The following RANBP2 variants were observed in gnomAD, a reference collection of about 807,000 sequenced individuals.
RANBP2 encodes RAN binding protein 2.
RANBP2 carries 57 observed loss-of-function variants against 303.6 expected under a neutral mutation model. The ratio of observed to expected loss-of-function variants is 0.19; its 90% CI spans 0.15 to 0.23. The LOEUF is 0.23. Ranked by LOEUF, RANBP2 falls within the 10% of genes least tolerant of loss-of-function variation. The pLI is 1.00. For missense variants in RANBP2, 3,138 were observed against 3,780.8 expected (o/e 0.83, Z 4.46); for synonymous variants, 1,167 against 1,301.5 (o/e 0.90, Z 2.23).
At chr2:108,811,087 CCTTTTTTCTTTTCTTTTTTTTTTT>C in the RANBP2 span, among the ~76,000 whole-genome samples, 97 of 112,768 alleles carry the variant, frequency 8.6e-4, 1 homozygote, top group African/African-American at 3.0e-3. Flanking sequence ...GGTCTTTTCT[CCTTTTTTCTTTTCTTTTTTTTTTT>C]CTTTTTTCTT....
the RANBP2 span, among the ~76,000 whole-genome samples, chr2:109,560,704 G>T: frequency 6.6e-6 from 1 of 152,086 alleles, no homozygotes; most frequent in African/African-American, 2.4e-5. Context: ...GCCTACCACT[G>T]CTGCCTCACA....
chr2:109,610,129 G>A, the RANBP2 span, among the ~76,000 whole-genome samples: 2 of 148,532 alleles, frequency 1.3e-5, no homozygotes, highest in Admixed American at 6.7e-5. Context: ...TCACTCTGTC[G>A]CCAGGCTGGA....
chr2:109,234,745 G>T, the RANBP2 span, among the ~76,000 whole-genome samples: 23 of 152,158 alleles, frequency 1.5e-4, no homozygotes. Context: ...TGTGGGAGCA[G>T]CACACACCAC....
the RANBP2 span, among the ~76,000 whole-genome samples, chr2:109,092,138 G>A: frequency 2.6e-5 from 4 of 152,132 alleles, no homozygotes; most frequent in African/African-American, 4.8e-5. Context: ...TGTATGTGGA[G>A]GGGATCTCAG....
the RANBP2 span, among the ~76,000 whole-genome samples, chr2:109,166,170 T>A: frequency 1.9e-4 from 29 of 152,168 alleles, no homozygotes; most frequent in East Asian, 5.4e-3. Context: ...TTTCCCTCAG[T>A]GCTCAGTGTT....
chr2:109,330,323 T>C, the RANBP2 span, among the ~76,000 whole-genome samples: 2 of 152,250 alleles, frequency 1.3e-5, no homozygotes, highest in African/African-American at 4.8e-5. Context: ...GGCAAAATTC[T>C]TCTCTTGTGC....
chr2:109,331,030 G>A, the RANBP2 span, among the ~76,000 whole-genome samples: 1 of 152,220 alleles, frequency 6.6e-6, no homozygotes, highest in African/African-American at 2.4e-5. Context: ...TGGAGTTACT[G>A]TAGTATCTGT....
At position 108,763,394 on chromosome 2, in the gene RANBP2, G is replaced by A. The variant is rs765008679; in HGVS notation, c.2855G>A (p.Gly952Glu). 5 of 1,613,866 alleles carry A rather than the reference G, an allele frequency of 3.1e-6. No individual in the cohort carries two copies. The Admixed American group carries it at 8.3e-5, about 27-fold the overall frequency. ...PALRFESPATGILSPRGDDYF... is the reference protein window; with the variant it reads ...PALRFESPATEILSPRGDDYF... ...TTGCGTTTTGAGTCTCCTGCAACGG[G>A]AATTCTATCGCCCAGGGGTGATGAT... Residue 952 changes from glycine (G) to glutamate (E), a missense_variant, in exon 20 of 29, where the codon GGA becomes GAA. Physicochemically the swap from Gly to Glu is moderately conservative, Grantham distance 98. Transcript: ENST00000283195.
At chr2:109,247,349 G>A in the RANBP2 span, among the ~76,000 whole-genome samples, 1,251 of 152,226 alleles carry the variant, frequency 8.2e-3, 9 homozygotes, top group South Asian at 0.024. Context: ...CCTGAACTTC[G>A]TTAGTTTCTA....
At chr2:109,510,569 A>G in the RANBP2 span, among the ~76,000 whole-genome samples, 1 of 152,162 alleles carries the variant, frequency 6.6e-6, no homozygotes, top group African/African-American at 2.4e-5. Flanking sequence ...TTCCATCCTC[A>G]CCCTCTGCAG....
At chr2:108,752,617 C>CAAAAAA (rs1247816984) in intron 12 of RANBP2, among the ~76,000 whole-genome samples, 9 of 40,672 alleles carry the variant, frequency 2.2e-4, no homozygotes, top group South Asian at 1.2e-3. Context: ...ACTAAAAATA[C>CAAAAAA]AAAAAAAAAA....
At chr2:109,324,296 G>T in the RANBP2 span, among the ~76,000 whole-genome samples, 4 of 152,176 alleles carry the variant, frequency 2.6e-5, no homozygotes, top group African/African-American at 9.7e-5. Flanking sequence ...TTGTGGACAG[G>T]TTTCCACTGC....
chr2:108,932,915 C>A, the RANBP2 span, among the ~76,000 whole-genome samples: 2 of 152,172 alleles, frequency 1.3e-5, no homozygotes, highest in African/African-American at 4.8e-5. Context: ...AGTCTGCAGG[C>A]CTTCCAGAGA....
the RANBP2 span, among the ~76,000 whole-genome samples, chr2:109,376,178 T>C: frequency 6.6e-6 from 1 of 152,260 alleles, no homozygotes; most frequent in Non-Finnish European, 1.5e-5. Context: ...CACTGTGTCA[T>C]TCCTGAGCAC....
chr2:109,450,359 G>T, the RANBP2 span, among the ~76,000 whole-genome samples: 25 of 110,424 alleles, frequency 2.3e-4, no homozygotes, highest in Admixed American at 1.2e-3. Flanking sequence ...AAAAAAAAAA[G>T]AAAAAGAAAG....
the RANBP2 span, among the ~76,000 whole-genome samples, chr2:109,563,312 T>G: frequency 2.0e-5 from 3 of 152,248 alleles, no homozygotes; most frequent in African/African-American, 7.2e-5. Flanking sequence ...CATCTAAGAT[T>G]AAGTCTTCCA....
In RANBP2 at chr2:108,731,235, T is replaced by G. The variant is rs182300306; in HGVS notation, c.253-87T>G. 544 of 1,522,784 alleles carry G rather than the reference T, an allele frequency of 3.6e-4. 3 individuals are homozygous for G. In the African/African-American group the frequency reaches 6.8e-3, roughly 19 times the overall value. The allele number at this position is 1,522,784 out of a possible 1,614,324, so 94.3% of individuals were successfully genotyped here. ...ATTTTTTAAGGGTTGGAGTGATAATTTTTTAACCTTTATATATAAGTATAT... is the reference window on the plus strand; with the variant it reads ...ATTTTTTAAGGGTTGGAGTGATAATGTTTTAACCTTTATATATAAGTATAT... On this transcript the variant is annotated intron_variant, in intron 3 of 28. Transcript: ENST00000283195.
Position 108,775,834 on chromosome 2 carries a change from A to G in RANBP2, c.8395A>G (p.Ile2799Val). Residue 2799 changes from isoleucine (I) to valine (V), a missense_variant, in exon 24 of 29, where the codon ATT (isoleucine) becomes GTT (valine). Ile to Val is a conservative substitution (Grantham distance 29). Around this residue, in one of 20 missense-constraint regions of RANBP2, gnomAD observed 497 missense variants for 465.8 expected, o/e 1.07. Coordinates refer to ENST00000283195, the MANE Select transcript of RANBP2 (RefSeq NM_006267.5). The stretch of plus-strand genomic sequence containing the variant: ...CTGTAAATCTGAAGAACCTGATTCT[A>G]TTACCAAATCCATTAGTTCACCATC... ...SFCKSEEPDS[I>V]TKSISSPSVS... 4.3e-6 allele frequency: 7 copies of G among 1,613,856 alleles called. No individual in the cohort carries two copies. Among genetic ancestry groups the G allele is most frequent in the South Asian group, 1.1e-5 (1 of 91,082 alleles).
chr2:109,011,897 C>T, the RANBP2 span, among the ~76,000 whole-genome samples: 1 of 151,634 alleles, frequency 6.6e-6, no homozygotes, highest in Non-Finnish European at 1.5e-5. Context: ...TGTGTGTGTG[C>T]CATGTGTATG....
Sources: allele counts gnomAD v4.1 joint callset (sites outside exome capture counted in the v4.1 genomes callset), GRCh38; gene constraint gnomAD v4.1.1; regional missense constraint gnomAD v4.1.1; transcripts MANE v1.5; gene names NCBI Gene and HGNC (gene_info 2026-07-23, HGNC 2026-07-21).